The following STXBP4 variants were observed in gnomAD, a reference collection of about 807,000 sequenced individuals.
STXBP4 encodes syntaxin-binding protein 4.
STXBP4 carries 55 observed loss-of-function variants against 76.1 expected under a neutral mutation model. The ratio of observed to expected loss-of-function variants is 0.72; its 90% CI spans 0.58 to 0.91. The LOEUF (loss-of-function observed/expected upper bound fraction) is 0.91, where lower values mean the gene tolerates loss of function less well. Ranked by LOEUF, STXBP4 falls within the 40% of genes least tolerant of loss-of-function variation. The pLI is 0.00. For missense variants in STXBP4, 618 were observed against 636.9 expected (o/e 0.97, Z 0.32); for synonymous variants, 201 against 220.2 (o/e 0.91, Z 0.77).
chr17:55,190,345 A>T, the STXBP4 span, among the ~76,000 whole-genome samples: 1 of 152,200 alleles, frequency 6.6e-6, no homozygotes, highest in Non-Finnish European at 1.5e-5. Flanking sequence ...ATAGGGGTGC[A>T]CAAGACCTCA....
At chr17:55,058,416 C>T (rs529232971) in intron 12 of STXBP4, among the ~76,000 whole-genome samples, 2 of 151,996 alleles carry the variant, frequency 1.3e-5, no homozygotes, top group South Asian at 2.1e-4. Context: ...TTTAAATTTT[C>T]GATGCAACAT....
At chr17:55,145,495 G>A (rs1183480050) in intron 17 of STXBP4, among the ~76,000 whole-genome samples, 1 of 152,172 alleles carries the variant, frequency 6.6e-6, no homozygotes, top group African/African-American at 2.4e-5. Flanking sequence ...CAAGCCTCTG[G>A]CAAGGGAATA....
chr17:55,117,722 A>T (rs1442815853), intron 16 of STXBP4, among the ~76,000 whole-genome samples: 1 of 151,978 alleles, frequency 6.6e-6, no homozygotes, highest in Non-Finnish European at 1.5e-5. Flanking sequence ...AAACAACTGA[A>T]TGATGGACAG....
intron 1 of STXBP4, among the ~76,000 whole-genome samples, chr17:54,970,628 T>G (rs2077382722): frequency 1.3e-5 from 2 of 152,242 alleles, no homozygotes; most frequent in South Asian, 4.1e-4. Flanking sequence ...TCTCAGCTCT[T>G]CTAGGATGAG....
intron 16 of STXBP4, among the ~76,000 whole-genome samples, chr17:55,103,579 G>GTTTTTTTTT (rs36032034): frequency 7.0e-5 from 10 of 143,346 alleles, no homozygotes; most frequent in South Asian, 2.2e-4. Flanking sequence ...CTCCAGTTTT[G>GTTTTTTTTT]TTTTTTTTTT....
At chr17:55,187,078 T>C in the STXBP4 span, among the ~76,000 whole-genome samples, 1 of 152,342 alleles carries the variant, frequency 6.6e-6, no homozygotes, top group Admixed American at 6.5e-5. Flanking sequence ...CAGAGTATTT[T>C]GCAAATCTGT....
At chr17:55,210,388 T>G in the STXBP4 span, among the ~76,000 whole-genome samples, 1 of 152,210 alleles carries the variant, frequency 6.6e-6, no homozygotes, top group Non-Finnish European at 1.5e-5. Flanking sequence ...TGGAGTAATA[T>G]GTTTGTTTTG....
chr17:54,997,442 A>G (rs2144465256), intron 4 of STXBP4, among the ~76,000 whole-genome samples: 1 of 151,400 alleles, frequency 6.6e-6, no homozygotes, highest in Middle Eastern at 3.4e-3. Flanking sequence ...TTTTTTCTGT[A>G]CTAACACTGC....
In STXBP4 at chr17:54,980,766, T is replaced by C. The variant is rs530864305; in HGVS notation, c.-156-4848T>C. ...ACCAATCAGCCTTAGGCTCCCTGCC[T>C]CCAGACCCTATTCTCCTGCCTCACA... is the stretch of plus-strand genomic sequence containing the variant. On this transcript the variant is annotated intron_variant, in intron 1 of 17. Transcript: ENST00000376352. 2.0e-5 allele frequency among the ~76,000 whole-genome samples: 3 copies of C among 152,292 alleles called. No individual in the cohort carries two copies. The South Asian group carries it at 6.2e-4, about 32-fold the overall frequency.
chr17:55,079,150 T>A (rs1159175629), intron 15 of STXBP4, among the ~76,000 whole-genome samples: 3 of 152,178 alleles, frequency 2.0e-5, no homozygotes, highest in Admixed American at 2.0e-4. Flanking sequence ...ATTCATGCAA[T>A]CATTTTCTTT....
intron 16 of STXBP4, among the ~76,000 whole-genome samples, chr17:55,103,159 C>T (rs914464965): frequency 6.6e-6 from 1 of 152,060 alleles, no homozygotes; most frequent in African/African-American, 2.4e-5. Context: ...TCAATTTTGG[C>T]TTTTGTTGCC....
chr17:55,125,266 C>G (rs934175508), intron 16 of STXBP4, among the ~76,000 whole-genome samples: 4 of 152,000 alleles, frequency 2.6e-5, no homozygotes, highest in African/African-American at 4.8e-5. Context: ...AGTTAGATTA[C>G]TATGTTTTCC....
chr17:55,078,285 A>T, intron 14 of STXBP4, 91 bp downstream of exon 14: 1 of 819,752 alleles, frequency 1.2e-6, no homozygotes, highest in Non-Finnish European at 2.0e-6. Context: ...TACCTAGTGA[A>T]ACATTCTCTA....
intron 12 of STXBP4, among the ~76,000 whole-genome samples, chr17:55,068,975 G>A (rs1042875550): frequency 6.6e-6 from 1 of 151,892 alleles, no homozygotes; most frequent in Non-Finnish European, 1.5e-5. Flanking sequence ...CTGTTACCGT[G>A]CTTTGTCCCA....
intron 16 of STXBP4, among the ~76,000 whole-genome samples, chr17:55,129,127 A>G (rs2079946455): frequency 1.3e-5 from 2 of 150,570 alleles, no homozygotes; most frequent in Admixed American, 1.3e-4. Context: ...ACAGGGTTTC[A>G]CCGTGTTGGC....
At chr17:54,987,945 A>G (rs1386389038) in intron 3 of STXBP4, among the ~76,000 whole-genome samples, 1 of 152,196 alleles carries the variant, frequency 6.6e-6, no homozygotes, top group African/African-American at 2.4e-5. Context: ...TTCTCTTATT[A>G]TGAGTAAAGT....
rs938874505 is a variant in STXBP4 at position 55,169,237 on chromosome 17, A to G, written c.*9326A>G. The stretch of plus-strand genomic sequence containing the variant: ...AAAAGTGTGATGTCAAGCAAAGCCT[A>G]TTCTGGAGATGACTTTGGTTCACTC... On this transcript the variant is annotated 3_prime_UTR_variant, in exon 18 of 18. Coordinates refer to ENST00000376352, the MANE Select transcript of STXBP4 (RefSeq NM_178509.6). The G allele has an allele frequency of 1.3e-5, 2 of 151,970 alleles. No homozygotes were observed. The highest frequency in any genetic ancestry group is 2.9e-5 in the Non-Finnish European group (2 of 68,032). 9.4% of individuals were successfully genotyped at this position (151,970 alleles called of 1,614,324 possible).
the STXBP4 span, among the ~76,000 whole-genome samples, chr17:55,189,982 C>T: frequency 1.3e-5 from 2 of 152,152 alleles, no homozygotes; most frequent in Non-Finnish European, 2.9e-5. Context: ...GTAAGTGTTA[C>T]TTTCCTTTCC....
intron 16 of STXBP4, among the ~76,000 whole-genome samples, chr17:55,093,568 G>A (rs547433673): frequency 2.6e-5 from 4 of 152,134 alleles, no homozygotes; most frequent in African/African-American, 4.8e-5. Context: ...AGGAAATGGC[G>A]AACTCACATA....
Sources: gnomAD v4.1 joint callset for allele counts (sites outside exome capture counted in the v4.1 genomes callset) on GRCh38, gnomAD v4.1.1 for gene constraint, MANE v1.5 for transcripts, NCBI Gene and HGNC (gene_info 2026-07-23, HGNC 2026-07-21) for gene names.